Variants in DGLUCY observed in about 807,000 individuals in gnomAD.
The protein encoded by DGLUCY is D-glutamate cyclase, also known as D-glutamate cyclase, mitochondrial.
In DGLUCY, 58 loss-of-function variants were observed where a neutral mutation model predicts 58.5. The observed-to-expected ratio is 0.99, with a 90% confidence interval of 0.80 to 1.23. DGLUCY has a LOEUF of 1.23. Among genes scored for constraint, DGLUCY ranks in the 50% most tolerant of loss-of-function variants. DGLUCY has a pLI of 0.00. For missense variants in DGLUCY, 779 were observed against 784.7 expected (o/e 0.99, Z 0.09); for synonymous variants, 325 against 314.1 (o/e 1.03, Z -0.37).
At chr14:91,127,403 CTCAAG>C (rs770026132) in intron 1 of DGLUCY, among the ~76,000 whole-genome samples, 4 of 152,236 alleles carry the variant, frequency 2.6e-5, no homozygotes, top group Non-Finnish European at 4.4e-5. Context: ...GAGCTAGAAA[CTCAAG>C]TCAAGTCATG....
At chr14:91,123,842 TGCTGGGATTACAC>T (rs1463422507) in intron 1 of DGLUCY, among the ~76,000 whole-genome samples, 1 of 152,140 alleles carries the variant, frequency 6.6e-6, no homozygotes, top group Non-Finnish European at 1.5e-5. Context: ...CCTGCCAAAG[TGCTGGGATTACAC>T]GCATGAGCCA....
intron 8 of DGLUCY, among the ~76,000 whole-genome samples, chr14:91,187,289 C>T (rs1295858730): frequency 1.3e-5 from 2 of 152,198 alleles, no homozygotes; most frequent in African/African-American, 2.4e-5. Context: ...TGAGCCACCC[C>T]GCCCAGCCAA....
intron 1 of DGLUCY, among the ~76,000 whole-genome samples, chr14:91,137,604 C>T (rs1416193057): frequency 1.3e-5 from 2 of 150,382 alleles, no homozygotes; most frequent in African/African-American, 4.9e-5. Flanking sequence ...ACCATGTTGG[C>T]CAGGATGGTC....
intron 5 of DGLUCY, among the ~76,000 whole-genome samples, chr14:91,172,188 A>C (rs2048606044): frequency 6.6e-6 from 1 of 152,112 alleles, no homozygotes; most frequent in Non-Finnish European, 1.5e-5. Flanking sequence ...CTCCCATCTC[A>C]GCCTCCCGAG....
chr14:91,190,234 G>A (rs922039852), intron 9 of DGLUCY, among the ~76,000 whole-genome samples: 135 of 151,950 alleles, frequency 8.9e-4, no homozygotes, highest in African/African-American at 3.1e-3. Flanking sequence ...TGATCCGCCC[G>A]CCTCGGCCTC....
chr14:91,211,413 A>G lies in DGLUCY; in HGVS notation c.1565-3992A>G, dbSNP rs1306119725. Among the ~76,000 whole-genome samples, 3 of 152,226 alleles carry G rather than the reference A, an allele frequency of 2.0e-5. No homozygotes were observed. In the East Asian group the frequency reaches 5.8e-4, roughly 29 times the overall value. On this transcript the variant is annotated intron_variant, in intron 12 of 13. Coordinates refer to ENST00000256324, the MANE Select transcript of DGLUCY (RefSeq NM_001102368.3). ...AGAACGAGATCAGAGGACTGACACT[A>G]CCTGACTTTAAGACTTACTATAAAG...
chr14:91,096,778 T>C (rs2044402455), intron 1 of DGLUCY, among the ~76,000 whole-genome samples: 1 of 152,138 alleles, frequency 6.6e-6, no homozygotes, highest in South Asian at 2.1e-4. Context: ...CCTGTAGGAA[T>C]TTTTCTCCCT....
upstream of DGLUCY, among the ~76,000 whole-genome samples, chr14:91,111,960 T>G (rs1308882257): frequency 6.6e-6 from 1 of 152,122 alleles, no homozygotes; most frequent in African/African-American, 2.4e-5. Context: ...TAACATGGCC[T>G]GGCACCGTGG....
At chr14:91,218,564 G>T (rs568553376) in intron 13 of DGLUCY, among the ~76,000 whole-genome samples, 1 of 151,886 alleles carries the variant, frequency 6.6e-6, no homozygotes, top group Non-Finnish European at 1.5e-5. Context: ...CACCACACCC[G>T]GCTAATTTTT....
chr14:91,224,141 A>G (rs374269283), intron 13 of DGLUCY, among the ~76,000 whole-genome samples: 1 of 152,200 alleles, frequency 6.6e-6, no homozygotes, highest in Non-Finnish European at 1.5e-5. Flanking sequence ...CACAAAGACT[A>G]TTGGCAGATA....
intron 1 of DGLUCY, among the ~76,000 whole-genome samples, chr14:91,116,803 G>A (rs57595747): frequency 6.6e-6 from 1 of 152,044 alleles, no homozygotes; most frequent in Non-Finnish European, 1.5e-5. Context: ...AATTAGCTGG[G>A]TGTGGTGGTA....
rs2140715373 is a variant in DGLUCY, at chr14:91,213,517, A to G, written c.1565-1888A>G. On this transcript the variant is annotated intron_variant, in intron 12 of 13. Transcript: ENST00000256324. ...AGAAAGGAAAATACAACCAATTGTA[A>G]CTGTAAGATACTATTAATTATAAGA... Among the ~76,000 whole-genome samples the G allele has an allele frequency of 1.3e-5, 2 of 152,348 alleles. 1 individual carries two copies. The highest frequency in any genetic ancestry group is 4.1e-4 in the South Asian group (2 of 4,826).
intron 11 of DGLUCY, among the ~76,000 whole-genome samples, chr14:91,202,485 C>T (rs935948985): frequency 1.6e-4 from 24 of 152,154 alleles, no homozygotes; most frequent in African/African-American, 5.6e-4. Context: ...CTGATTAGAA[C>T]GTTTCTGCAA....
At chr14:91,196,723 GA>G (rs1170590626) in intron 10 of DGLUCY, among the ~76,000 whole-genome samples, 3 of 127,558 alleles carry the variant, frequency 2.4e-5, no homozygotes, top group African/African-American at 9.1e-5. Flanking sequence ...ATATCTTCCT[GA>G]TAGAGGGGAG....
chr14:91,179,030 A>G (rs2049012924), intron 7 of DGLUCY, among the ~76,000 whole-genome samples: 1 of 152,198 alleles, frequency 6.6e-6, no homozygotes, highest in Non-Finnish European at 1.5e-5. Context: ...TCTCAAAAAA[A>G]AAAGAAACTT....
rs555809623 is a variant in DGLUCY at position 91,128,045 on chromosome 14, G to A, written c.-82+13762G>A. On this transcript the variant is annotated intron_variant, in intron 1 of 13. Coordinates refer to ENST00000256324, the MANE Select transcript of DGLUCY (RefSeq NM_001102368.3). ...CCACTTGAGAGGTGTTGCTCACCCC[G>A]AGTCAGGAAGGGAGACCCCACCTTA... 2.1e-3 allele frequency among the ~76,000 whole-genome samples: 323 copies of A among 151,522 alleles called. 4 individuals carry two copies. Among genetic ancestry groups the A allele is most frequent in the South Asian group, 0.01 (49 of 4,776 alleles).
intron 1 of DGLUCY, among the ~76,000 whole-genome samples, chr14:91,095,259 C>G (rs142127644): frequency 6.6e-6 from 1 of 152,310 alleles, no homozygotes; most frequent in East Asian, 1.9e-4. Flanking sequence ...AATTAGTCCA[C>G]CTGTTCCTGA....
At chr14:91,216,287 A>G (rs1162233629) in intron 13 of DGLUCY, 1 of 156,696 alleles carries the variant, frequency 6.4e-6, no homozygotes, top group African/African-American at 2.4e-5. Context: ...CTGTACATGT[A>G]TTTTTCTGCG....
intron 1 of DGLUCY, among the ~76,000 whole-genome samples, chr14:91,100,672 C>A (rs1453054088): frequency 6.6e-6 from 1 of 152,226 alleles, no homozygotes; most frequent in African/African-American, 2.4e-5. Flanking sequence ...CCCAGACCAG[C>A]AGCACCAGCC....
Sources: allele counts gnomAD v4.1 joint callset (sites outside exome capture counted in the v4.1 genomes callset), GRCh38; gene constraint gnomAD v4.1.1; transcripts MANE v1.5; gene names NCBI Gene and HGNC (gene_info 2026-07-23, HGNC 2026-07-21).